ENPP1: variants seen among roughly 807,000 people sequenced by gnomAD.
The protein encoded by ENPP1 is ectonucleotide pyrophosphatase/phosphodiesterase family member 1.
A neutral mutation model predicts 122.8 loss-of-function variants in ENPP1; 73 were observed. The ratio of observed to expected loss-of-function variants is 0.59; its 90% CI spans 0.49 to 0.72. The LOEUF is 0.72. Among genes scored for constraint, ENPP1 ranks in the 30% least tolerant of loss-of-function variants. The probability of loss-of-function intolerance (pLI) is 0.00; values close to 1 mark genes in which losing one functional copy is unlikely to be tolerated. For missense variants in ENPP1, 978 were observed against 1,128.1 expected, an observed-to-expected ratio of 0.87 and a Z score of 1.91; for synonymous variants, 367 against 391.6, an observed-to-expected ratio of 0.94 and a Z score of 0.74.
intron 9 of ENPP1, among the ~76,000 whole-genome samples, chr6:131,862,195 CAACA>C (rs759671364): frequency 6.6e-5 from 10 of 151,548 alleles, no homozygotes; most frequent in Non-Finnish European, 1.2e-4. Flanking sequence ...CAAAAAAAAA[CAACA>C]AACAAAAAAA....
Position 131,869,461 on chromosome 6 carries a change from C to T in ENPP1, c.1377C>T (p.Pro459=). Residue 459 remains proline, a synonymous_variant, in exon 13 of 25, where the codon CCC becomes CCT. Transcript: ENST00000647893. ...VIYGPAARLR[P]SDVPDKYYSF... is the part of the protein sequence containing the mutation. Reference sequence around the variant, plus strand: ...ATGGACCTGCAGCTCGATTGAGACCCTCTGATGTCCCAGATAAATACTATT... The same window carrying T: ...ATGGACCTGCAGCTCGATTGAGACCTTCTGATGTCCCAGATAAATACTATT... 1 of 1,613,266 alleles carries T rather than the reference C, an allele frequency of 6.2e-7. No individual in the cohort carries two copies. The highest frequency in any genetic ancestry group is 1.1e-5 in the South Asian group (1 of 91,056).
chr6:131,826,668 C>T, intron 1 of ENPP1: 1 of 722,084 alleles, frequency 1.4e-6, no homozygotes, highest in Non-Finnish European at 2.3e-6. Flanking sequence ...TCAGCACAGC[C>T]AGTTTGCTTC....
At chr6:131,840,733 T>G (rs73537697) in intron 1 of ENPP1, among the ~76,000 whole-genome samples, 3,221 of 152,298 alleles carry the variant, frequency 0.021, 138 homozygotes, top group African/African-American at 0.075. Flanking sequence ...GCAGTTGTTT[T>G]GTGCACAGGT....
intron 22 of ENPP1, among the ~76,000 whole-genome samples, chr6:131,884,515 A>G (rs1782351739): frequency 6.6e-6 from 1 of 152,228 alleles, no homozygotes; most frequent in Non-Finnish European, 1.5e-5. Flanking sequence ...TCATGCTTGC[A>G]GTCCCAGCCC....
chr6:131,883,824 T>G, intron 22 of ENPP1, 50 bp downstream of exon 22: 36 of 895,628 alleles, frequency 4.0e-5, no homozygotes, highest in Non-Finnish European at 5.7e-5. Flanking sequence ...TTTGTGCACA[T>G]ATAGGCATAA....
At position 131,877,028 on chromosome 6, in the gene ENPP1, C is replaced by A; in HGVS notation, c.1760C>A (p.Thr587Asn). 6.2e-7 allele frequency: 1 copy of A among 1,614,100 alleles called. No homozygotes were observed. Among genetic ancestry groups the A allele is most frequent in the East Asian group, 2.2e-5 (1 of 44,866 alleles). ...LNLTPAPNNG[T>N]HGSLNHLLKN... is the part of the protein sequence containing the mutation. ...TTGACACCGGCTCCTAATAACGGAA[C>A]TCATGGAAGTCTTAACCACCTTCTA... Residue 587 changes from threonine (T) to asparagine (N), a missense_variant, in exon 18 of 25, where the codon ACT becomes AAT. Coordinates refer to ENST00000647893, the MANE Select transcript of ENPP1 (RefSeq NM_006208.3).
chr6:131,857,344 T>C (rs1237593062), intron 6 of ENPP1, among the ~76,000 whole-genome samples: 4 of 148,220 alleles, frequency 2.7e-5, no homozygotes, highest in Admixed American at 2.7e-4. Context: ...TAAAGACACA[T>C]GCACACATAT....
chr6:131,815,569 C>G (rs976429815), intron 1 of ENPP1, among the ~76,000 whole-genome samples: 1 of 152,158 alleles, frequency 6.6e-6, no homozygotes, highest in South Asian at 2.1e-4. Context: ...CATCTCCTGC[C>G]CCCATCATAT....
intron 6 of ENPP1, 109 bp downstream of exon 6, chr6:131,855,132 C>T: frequency 1.2e-6 from 1 of 825,816 alleles, no homozygotes; most frequent in East Asian, 2.5e-5. Context: ...TTTCACTAAA[C>T]TTTTCTATGG....
At chr6:131,852,111 C>T (rs1585816463) in intron 4 of ENPP1, 64 bp from the exon 5 acceptor site, 3 of 1,071,880 alleles carry the variant, frequency 2.8e-6, no homozygotes, top group East Asian at 4.7e-5. Flanking sequence ...TAATGTGTCT[C>T]ACAAGCATCA....
chr6:131,816,305 A>G (rs1781413265), intron 1 of ENPP1, among the ~76,000 whole-genome samples: 1 of 152,202 alleles, frequency 6.6e-6, no homozygotes, highest in African/African-American at 2.4e-5. Context: ...CATTTGGAAT[A>G]CAACTTGTAA....
intron 21 of ENPP1, 55 bp from the exon 22 acceptor site, chr6:131,883,639 A>G: frequency 1.1e-6 from 1 of 899,492 alleles, no homozygotes; most frequent in Non-Finnish European, 1.9e-6. Context: ...GAGAAACTAT[A>G]ATTTCCTATG....
rs140923936 is a variant in ENPP1 at position 131,824,442 on chromosome 6, T to TTTGTTGTTGTTG, written c.240+16185_240+16196dup. Among the ~76,000 whole-genome samples the TTTGTTGTTGTTG allele has an allele frequency of 9.4e-4, 125 of 132,542 alleles. 1 individual carries two copies. Among genetic ancestry groups the TTTGTTGTTGTTG allele is most frequent in the African/African-American group, 3.1e-3 (121 of 38,760 alleles). 87.0% of individuals were successfully genotyped at this position (132,542 alleles called of 152,430 possible). ...TTGCCAGAGCCATCTCCAGGCAGGA[T>TTTGTTGTTGTTG]TTGTTGTTGTTGTTGTTGTTGTTGT... On this transcript the variant is annotated intron_variant, in intron 1 of 24. Coordinates refer to ENST00000647893, the MANE Select transcript of ENPP1 (RefSeq NM_006208.3).
chr6:131,873,334 G>A (rs1048442201), intron 15 of ENPP1, among the ~76,000 whole-genome samples: 11 of 152,054 alleles, frequency 7.2e-5, no homozygotes, highest in African/African-American at 2.4e-4. Context: ...AAAAATGTCC[G>A]TCAGCGTTGC....
Position 131,849,963 on chromosome 6 carries a change from A to G in ENPP1, c.314-27A>G, listed in dbSNP as rs1249621425. 3 of 1,475,060 alleles carry G rather than the reference A, an allele frequency of 2.0e-6. No homozygotes were observed. In the Admixed American group the frequency reaches 5.0e-5, roughly 25 times the overall value. 91.4% of individuals were successfully genotyped at this position (1,475,060 alleles called of 1,614,324 possible). ...TTTGAATTATATAATGATTAGAAAC[A>G]TCTGACTTATCGTTCAATTTTTTCA... On this transcript the variant is annotated intron_variant, in intron 2 of 24. Coordinates refer to ENST00000647893, the MANE Select transcript of ENPP1 (RefSeq NM_006208.3).
At chr6:131,837,173 T>TGC (rs1491156953) in intron 1 of ENPP1, among the ~76,000 whole-genome samples, 3 of 15,194 alleles carry the variant, frequency 2.0e-4, no homozygotes, top group African/African-American at 9.3e-4. Flanking sequence ...CTGTTGTCAT[T>TGC]GTGTGTGTGT....
rs1344875074 is a variant in ENPP1 at position 131,851,229 on chromosome 6, A to G, written c.518A>G (p.Lys173Arg). 5.0e-6 allele frequency: 8 copies of G among 1,614,138 alleles called. No homozygotes were observed. Among genetic ancestry groups the G allele is most frequent in the Non-Finnish European group, 6.8e-6 (8 of 1,179,982 alleles). The change falls in exon 4 of 25, where the codon AAG (lysine) becomes AGG (arginine). Residue 173 changes from lysine to arginine, a missense_variant. Physicochemically the swap from Lys to Arg is conservative, Grantham distance 26 (BLOSUM62 2). Coordinates refer to ENST00000647893, the MANE Select transcript of ENPP1 (RefSeq NM_006208.3). ...GCCTGTTCAGATGACTGCAAGGACA[A>G]GGGCGACTGCTGCATCAACTACAGT... Reference protein sequence around the residue: ...LCACSDDCKDKGDCCINYSSV... With the variant: ...LCACSDDCKDRGDCCINYSSV...
At chr6:131,857,857 A>G (rs772436919) in intron 6 of ENPP1, among the ~76,000 whole-genome samples, 2 of 152,228 alleles carry the variant, frequency 1.3e-5, no homozygotes, top group Admixed American at 6.5e-5. Context: ...GCTTGTCTCC[A>G]TGGTGCCAAA....
At chr6:131,858,110 G>T (rs1781972881) in intron 6 of ENPP1, among the ~76,000 whole-genome samples, 1 of 152,136 alleles carries the variant, frequency 6.6e-6, no homozygotes, top group Non-Finnish European at 1.5e-5. Context: ...AGTAGAGGCA[G>T]GAGAAAAAGA....
Sources: gnomAD v4.1 joint callset for allele counts (sites outside exome capture counted in the v4.1 genomes callset) on GRCh38, gnomAD v4.1.1 for gene constraint, MANE v1.5 for transcripts, NCBI Gene and HGNC (gene_info 2026-07-23, HGNC 2026-07-21) for gene names.